Variants in LRP1B observed in about 807,000 individuals in gnomAD.
The protein encoded by LRP1B is low-density lipoprotein receptor-related protein 1B.
In LRP1B, 217 loss-of-function variants were observed where a neutral mutation model predicts 556.6. The observed-to-expected ratio is 0.39, with a 90% CI of 0.35 to 0.44. LRP1B has a LOEUF of 0.44. LRP1B is among the 20% of genes least tolerant of loss of function. The pLI, the probability that LRP1B is intolerant of heterozygous loss-of-function variation, is 1.00. For missense variants in LRP1B, 5,053 were observed against 5,620.8 expected, an observed-to-expected ratio of 0.90 and a Z score of 3.23; for synonymous variants, 2,047 against 1,865.8, an observed-to-expected ratio of 1.10 and a Z score of -2.50.
intron 66 of LRP1B, among the ~76,000 whole-genome samples, chr2:140,393,265 TTTTG>T (rs1030609582): frequency 1.3e-5 from 2 of 152,146 alleles, no homozygotes; most frequent in African/African-American, 2.4e-5. Context: ...ATATGTAATT[TTTTG>T]TTTATTAAAT....
intron 7 of LRP1B, among the ~76,000 whole-genome samples, chr2:141,158,649 C>CT (rs1702126548): frequency 6.6e-6 from 1 of 152,050 alleles, no homozygotes; most frequent in South Asian, 2.1e-4. Flanking sequence ...TATCTCTTTT[C>CT]TTTTTTCTTA....
chr2:140,805,693 G>C (rs2105018578), intron 32 of LRP1B, among the ~76,000 whole-genome samples: 1 of 152,078 alleles, frequency 6.6e-6, no homozygotes, highest in South Asian at 2.1e-4. Context: ...AAAACTAATA[G>C]TTTGATCACT....
At chr2:140,472,908 T>A (rs1687828091) in intron 60 of LRP1B, among the ~76,000 whole-genome samples, 1 of 152,066 alleles carries the variant, frequency 6.6e-6, no homozygotes, top group South Asian at 2.1e-4. Context: ...TTAGCTCAGA[T>A]TTCAGTTTTA....
chr2:142,066,176 T>G (rs1049381809), intron 1 of LRP1B, among the ~76,000 whole-genome samples: 4 of 151,630 alleles, frequency 2.6e-5, no homozygotes, highest in African/African-American at 9.7e-5. Flanking sequence ...CCAGATGCAC[T>G]GTGGTTTTTC....
At chr2:141,046,402 G>A (rs947272613) in intron 11 of LRP1B, among the ~76,000 whole-genome samples, 4 of 152,020 alleles carry the variant, frequency 2.6e-5, no homozygotes, top group African/African-American at 9.7e-5. Flanking sequence ...CCAAATCTAA[G>A]TCTCTGCTTT....
At chr2:140,726,464 G>A (rs1051733775) in intron 35 of LRP1B, among the ~76,000 whole-genome samples, 1 of 152,126 alleles carries the variant, frequency 6.6e-6, no homozygotes, top group African/African-American at 2.4e-5. Context: ...AGATTACTTT[G>A]TTTGATTCTC....
At chr2:140,393,626 T>A (rs139661880) in intron 66 of LRP1B, among the ~76,000 whole-genome samples, 123 of 152,250 alleles carry the variant, frequency 8.1e-4, no homozygotes, top group African/African-American at 2.6e-3. Context: ...TACAAATAGT[T>A]GGGTAACAGG....
intron 1 of LRP1B, among the ~76,000 whole-genome samples, chr2:142,047,319 C>T (rs762582640): frequency 6.6e-6 from 1 of 151,832 alleles, no homozygotes; most frequent in Non-Finnish European, 1.5e-5. Context: ...CATGTGTAGT[C>T]ACATAATATG....
intron 18 of LRP1B, among the ~76,000 whole-genome samples, chr2:140,967,124 T>TGTCTTTGTTCTCATTGGTTTCAAAGA: frequency 6.6e-6 from 1 of 152,290 alleles, no homozygotes; most frequent in East Asian, 1.9e-4. Flanking sequence ...ATCTATAAAT[T>TGTCTTTGTTCTCATTGGTTTCAAAGA]ACCTCAGGCA....
At chr2:140,708,874 C>T (rs942948552) in intron 37 of LRP1B, among the ~76,000 whole-genome samples, 13 of 152,068 alleles carry the variant, frequency 8.5e-5, no homozygotes, top group African/African-American at 3.1e-4. Flanking sequence ...CCATGACTTG[C>T]AACCTATCTT....
At chr2:141,450,004 C>G (rs898099127) in intron 3 of LRP1B, among the ~76,000 whole-genome samples, 9 of 152,096 alleles carry the variant, frequency 5.9e-5, no homozygotes, top group African/African-American at 2.2e-4. Flanking sequence ...AAAGTCACTC[C>G]CAGTTGAGAA....
At position 140,994,157 on chromosome 2, in the gene LRP1B, G is replaced by A. The variant is rs201192436; in HGVS notation, c.2504-22C>T. The A allele has an allele frequency of 2.6e-4, 412 of 1,605,762 alleles. 5 individuals carry two copies. The South Asian group carries it at 4.2e-3, about 17-fold the overall frequency. On this transcript the variant is annotated intron_variant, in intron 15 of 90. Coordinates refer to ENST00000389484, the MANE Select transcript of LRP1B (RefSeq NM_018557.3). ...TTAACTAGAGTTAAAAAAACCCAAG[G>A]TATATGAATAATGCTAGCTACAGTC...
chr2:141,950,368 C>T (rs1262005711), intron 1 of LRP1B, among the ~76,000 whole-genome samples: 1 of 152,100 alleles, frequency 6.6e-6, no homozygotes, highest in Admixed American at 6.6e-5. Flanking sequence ...GGACATTTAA[C>T]TATAAATGGT....
chr2:141,917,749 G>A (rs1252605312), intron 1 of LRP1B, among the ~76,000 whole-genome samples: 1 of 152,156 alleles, frequency 6.6e-6, no homozygotes, highest in African/African-American at 2.4e-5. Context: ...CGTCTCTACT[G>A]TCACAATTAT....
At chr2:140,461,630 T>A (rs1321068221) in intron 60 of LRP1B, among the ~76,000 whole-genome samples, 2 of 151,818 alleles carry the variant, frequency 1.3e-5, no homozygotes, top group Non-Finnish European at 2.9e-5. Flanking sequence ...AGGTCAGGAG[T>A]TCGAAACCAG....
chr2:141,564,882 T>A (rs1281194698), intron 2 of LRP1B, among the ~76,000 whole-genome samples: 1 of 152,002 alleles, frequency 6.6e-6, no homozygotes, highest in Non-Finnish European at 1.5e-5. Flanking sequence ...TAAGGGTTTT[T>A]AAAAATAAAA....
At chr2:140,683,903 G>A (rs1438290416) in intron 41 of LRP1B, 3 of 495,682 alleles carry the variant, frequency 6.1e-6, no homozygotes, top group Non-Finnish European at 1.1e-5. Context: ...GTCCATGCCG[G>A]GCTGCCCGCG....
intron 2 of LRP1B, among the ~76,000 whole-genome samples, chr2:141,562,182 G>A (rs1346454911): frequency 6.6e-6 from 1 of 151,924 alleles, no homozygotes; most frequent in African/African-American, 2.4e-5. Context: ...CTGAGAAGTC[G>A]ATTCAATCTA....
chr2:141,613,003 G>A (rs1331935611), intron 2 of LRP1B, among the ~76,000 whole-genome samples: 1 of 151,684 alleles, frequency 6.6e-6, no homozygotes, highest in Non-Finnish European at 1.5e-5. Context: ...TAGAGATGGG[G>A]TTTCACCGTG....
Sources: gnomAD v4.1 joint callset for allele counts (sites outside exome capture counted in the v4.1 genomes callset) on GRCh38, gnomAD v4.1.1 for gene constraint, MANE v1.5 for transcripts, NCBI Gene and HGNC (gene_info 2026-07-23, HGNC 2026-07-21) for gene names.